HDAC2: variants seen among roughly 807,000 people sequenced by gnomAD.
HDAC2 encodes YY1-associated factor 1.
A neutral mutation model predicts 68.5 loss-of-function variants in HDAC2; 5 were observed. That is an observed-to-expected ratio of 0.07 (90% CI 0.04 to 0.15). The LOEUF (loss-of-function observed/expected upper bound fraction) is 0.15. Ranked by LOEUF, HDAC2 falls within the 10% of genes least tolerant of loss-of-function variation. The pLI is 1.00. For missense variants in HDAC2, 291 were observed against 600.8 expected, an observed-to-expected ratio of 0.48 and a Z score of 5.39; for synonymous variants, 182 against 191.3, an observed-to-expected ratio of 0.95 and a Z score of 0.40.
rs1209896532 is a variant in HDAC2 at position 113,946,046 on chromosome 6, T to C, written c.944A>G (p.Tyr315Cys). 1 of 1,613,076 alleles carries C rather than the reference T, an allele frequency of 6.2e-7. No homozygotes were observed. Among genetic ancestry groups the C allele is most frequent in the Non-Finnish European group, 8.5e-7 (1 of 1,179,192 alleles). The stretch of plus-strand genomic sequence containing the variant: ...ACAATCAAGGGCAACTGCAGTCTCA[T>C]ATGTCCAACATCGAGCAACATTACG... ...TIRNVARCWTYETAVALDCEI... is the reference protein window; with the variant it reads ...TIRNVARCWTCETAVALDCEI... Residue 315 changes from tyrosine to cysteine, a missense_variant, in exon 9 of 14, where the codon TAT becomes TGT. By Grantham distance (194) the Tyr-to-Cys change is radical. Transcript: ENST00000519065.
chr6:113,944,190 C>G, intron 11 of HDAC2, 90 bp downstream of exon 11: 2 of 1,111,320 alleles, frequency 1.8e-6, no homozygotes, highest in Non-Finnish European at 1.4e-6. Flanking sequence ...TGCTCGTGAA[C>G]ATGACTTTAT....
At chr6:113,956,179 T>C in intron 4 of HDAC2, 28 bp from the exon 5 acceptor site, 2 of 1,560,404 alleles carry the variant, frequency 1.3e-6, no homozygotes, top group Non-Finnish European at 1.7e-6. Flanking sequence ...GATAGACCTT[T>C]TAAACATTTA....
intron 1 of HDAC2, among the ~76,000 whole-genome samples, chr6:113,961,756 G>A (rs952686223): frequency 2.0e-5 from 3 of 152,056 alleles, no homozygotes; most frequent in African/African-American, 7.2e-5. Flanking sequence ...ACAAGGGAAG[G>A]CATTTCTTAG....
At position 113,944,178 on chromosome 6, in the gene HDAC2, T is replaced by C. The variant is rs539564489; in HGVS notation, c.1222+102A>G. 5 of 996,848 alleles carry C rather than the reference T, an allele frequency of 5.0e-6. No individual in the cohort carries two copies. The African/African-American group carries it at 6.5e-5, about 13-fold the overall frequency. The allele number at this position is 996,848 out of a possible 1,614,324, so 61.8% of individuals were successfully genotyped here. ...GTGGCAAAAATGACAATATTAACAG[T>C]GTGCTCGTGAACATGACTTTATAGT... is the stretch of plus-strand genomic sequence containing the variant. On this transcript the variant is annotated intron_variant, in intron 11 of 13. Coordinates refer to ENST00000519065, the MANE Select transcript of HDAC2 (RefSeq NM_001527.4).
At chr6:113,943,565 C>T (rs1776194467) in intron 11 of HDAC2, 59 bp from the exon 12 acceptor site, 6 of 1,343,748 alleles carry the variant, frequency 4.5e-6, no homozygotes, top group Admixed American at 2.2e-5. Flanking sequence ...ATAATCATTA[C>T]AGCATACTCA....
rs1410833542 is a variant in HDAC2 at position 113,935,626 on chromosome 6, G to A, written c.*5432C>T. ...AATACAAACCACTGGCTGCAAAATGGGTCTGGCCAAAAAAAATCTCCTATT... is the reference window on the plus strand; with the variant it reads ...AATACAAACCACTGGCTGCAAAATGAGTCTGGCCAAAAAAAATCTCCTATT... On this transcript the variant is annotated 3_prime_UTR_variant, in exon 14 of 14. Transcript: ENST00000519065. 1 of 151,794 alleles carries A rather than the reference G, an allele frequency of 6.6e-6. No homozygotes were observed. The highest frequency in any genetic ancestry group is 1.5e-5 in the Non-Finnish European group (1 of 67,920). The allele number at this position is 151,794 out of a possible 1,614,324, so 9.4% of individuals were successfully genotyped here. A position where few individuals can be genotyped will look rare whatever the true frequency, so the allele number is the denominator to read the frequency against.
chr6:113,958,833 T>C lies in HDAC2; in HGVS notation c.166-67A>G. ...GGTTATATCAGTATTATCAAACAAA[T>C]ATACAAATTCCCCTATCGGTCCCCT... On this transcript the variant is annotated intron_variant, in intron 2 of 13. Coordinates refer to ENST00000519065, the MANE Select transcript of HDAC2 (RefSeq NM_001527.4). 3.2e-6 allele frequency: 3 copies of C among 927,870 alleles called. No individual in the cohort carries two copies. The South Asian group carries it at 4.3e-5, about 13-fold the overall frequency. The allele number at this position is 927,870 out of a possible 1,614,324, so 57.5% of individuals were successfully genotyped here.
chr6:113,970,508 A>G (rs1776964482), intron 1 of HDAC2: 1 of 1,154,582 alleles, frequency 8.7e-7, no homozygotes, highest in Non-Finnish European at 1.1e-6. Flanking sequence ...TGGGCGGGAG[A>G]AGGGAGAGAA....
Position 113,941,777 on chromosome 6 carries a change from G to T in HDAC2, c.1379-12C>A, listed in dbSNP as rs751207673. On this transcript the variant is annotated splice_polypyrimidine_tract_variant and intron_variant, in intron 12 of 13. Transcript: ENST00000519065. The stretch of plus-strand genomic sequence containing the variant: ...TTCTTCCTTAACGTCTAAAAATAAA[G>T]ATTGGGAAAAGATTAAAACCTATTT... 4 of 1,217,446 alleles carry T rather than the reference G, an allele frequency of 3.3e-6. No homozygotes were observed. The highest frequency in any genetic ancestry group is 2.3e-6 in the Non-Finnish European group (2 of 872,978). 75.4% of individuals were successfully genotyped at this position (1,217,446 alleles called of 1,614,324 possible). A position where few individuals can be genotyped will look rare whatever the true frequency, so the allele number is the denominator to read the frequency against.
At chr6:113,942,311 T>C (rs985343260) in intron 12 of HDAC2, among the ~76,000 whole-genome samples, 10 of 152,198 alleles carry the variant, frequency 6.6e-5, no homozygotes, top group East Asian at 3.9e-4. Context: ...GAAGCCATCA[T>C]TGTAATACAT....
chr6:113,963,278 A>G (rs559648940), intron 1 of HDAC2, among the ~76,000 whole-genome samples: 318 of 151,852 alleles, frequency 2.1e-3, no homozygotes, highest in Non-Finnish European at 3.6e-3. Flanking sequence ...GTGACGGGGT[A>G]TCTCCATATT....
At chr6:113,945,955 A>T in intron 9 of HDAC2, 53 bp downstream of exon 9, 1 of 1,374,764 alleles carries the variant, frequency 7.3e-7, no homozygotes, top group Non-Finnish European at 1.0e-6. Context: ...TAATTAGAGG[A>T]GCATCTGTAT....
At chr6:113,961,880 T>C (rs1189271671) in intron 1 of HDAC2, among the ~76,000 whole-genome samples, 1 of 152,162 alleles carries the variant, frequency 6.6e-6, no homozygotes, top group African/African-American at 2.4e-5. Flanking sequence ...ATTTCCAATA[T>C]CACCTAAAAC....
At chr6:113,965,085 C>A (rs963150994) in intron 1 of HDAC2, among the ~76,000 whole-genome samples, 1 of 152,206 alleles carries the variant, frequency 6.6e-6, no homozygotes, top group African/African-American at 2.4e-5. Flanking sequence ...TGAGAGAATG[C>A]ATTCTATTTG....
chr6:113,958,126 T>C (rs1301645816), intron 3 of HDAC2, among the ~76,000 whole-genome samples: 1 of 152,192 alleles, frequency 6.6e-6, no homozygotes, highest in African/African-American at 2.4e-5. Flanking sequence ...GGTTGACTTT[T>C]GCATTCTACC....
Position 113,971,044 on chromosome 6 carries a change from C to T in HDAC2, c.-136G>A, listed in dbSNP as rs773128136. ...GATAGTCCCGCGGGGAAGGGCAGGCCGGTGGGAGGAGAGGAGGGGGCGCCG... is the reference window on the plus strand; with the variant it reads ...GATAGTCCCGCGGGGAAGGGCAGGCTGGTGGGAGGAGAGGAGGGGGCGCCG... On this transcript the variant is annotated 5_prime_UTR_variant, in exon 1 of 14. Transcript: ENST00000519065. The T allele has an allele frequency of 6.4e-7, 1 of 1,569,304 alleles. No homozygotes were observed. Among genetic ancestry groups the T allele is most frequent in the Non-Finnish European group, 8.6e-7 (1 of 1,156,342 alleles).
intron 2 of HDAC2, 113 bp downstream of exon 2, chr6:113,959,793 G>A (rs1415354668): frequency 4.8e-6 from 3 of 619,522 alleles, no homozygotes; most frequent in Admixed American, 2.8e-5. Context: ...TTTTCTTCCA[G>A]ATCTTTTCAT....
intron 6 of HDAC2, among the ~76,000 whole-genome samples, chr6:113,952,941 A>G (rs1290969971): frequency 6.6e-6 from 1 of 152,190 alleles, no homozygotes; most frequent in Non-Finnish European, 1.5e-5. Flanking sequence ...TTATTCCACC[A>G]TTCTTTACAA....
chr6:113,943,420 C>T lies in HDAC2; in HGVS notation c.1309G>A (p.Asp437Asn). 1 of 1,610,966 alleles carries T rather than the reference C, an allele frequency of 6.2e-7. No homozygotes were observed. Among genetic ancestry groups the T allele is most frequent in the Non-Finnish European group, 8.5e-7 (1 of 1,178,920 alleles). ...GCTTTCTTTGCTCCTTTCTTATGAT[C>T]AGCCACATTTCTTCGACCTCCTTCT... ...EGEGGRRNVADHKKGAKKARI... is the reference protein window; with the variant it reads ...EGEGGRRNVANHKKGAKKARI... The change falls in exon 12 of 14, where the codon GAT (aspartate) becomes AAT (asparagine). Residue 437 changes from aspartate to asparagine, a missense_variant. Physicochemically the swap from Asp to Asn is conservative, Grantham distance 23 (BLOSUM62 1). This residue lies in a region of HDAC2 where 137 missense variants were observed against 128.7 expected (regional missense o/e 1.06). Coordinates refer to ENST00000519065, the MANE Select transcript of HDAC2 (RefSeq NM_001527.4).
Sources: gnomAD v4.1 joint callset for allele counts (sites outside exome capture counted in the v4.1 genomes callset) on GRCh38, gnomAD v4.1.1 for gene constraint, gnomAD v4.1.1 regional missense constraint, MANE v1.5 for transcripts, NCBI Gene and HGNC (gene_info 2026-07-23, HGNC 2026-07-21) for gene names.